REV3L: variants seen among roughly 807,000 people sequenced by gnomAD.
The protein encoded by REV3L is REV3 like, DNA directed polymerase zeta catalytic subunit.
Under a neutral mutation model 299.4 loss-of-function variants are expected in REV3L, and 69 were observed. The ratio of observed to expected loss-of-function variants is 0.23; its 90% CI spans 0.19 to 0.28. The LOEUF is 0.28. Ranked by LOEUF, REV3L falls within the 10% of genes least tolerant of loss-of-function variation. The pLI, the probability that REV3L is intolerant of heterozygous loss-of-function variation, is 1.00. For missense variants in REV3L, 3,128 were observed against 3,693.8 expected (o/e 0.85, Z 3.97); for synonymous variants, 1,238 against 1,271.4 (o/e 0.97, Z 0.56).
In REV3L at chr6:111,376,621, C is replaced by G; in HGVS notation, c.1734G>C (p.Gln578His). ...AAGAAAGGGCACTTGTGTGTTTACACTGAAAGGTAATCTTAGCAGAAGATG... is the reference window on the plus strand; with the variant it reads ...AAGAAAGGGCACTTGTGTGTTTACAGTGAAAGGTAATCTTAGCAGAAGATG... ...EPSSSAKITF[Q>H]CKHTSALSSH... The change falls in exon 13 of 32, where the codon CAG becomes CAC. Residue 578 changes from glutamine to histidine, a missense_variant. By Grantham distance (24) the Gln-to-His change is conservative. Around this residue, in one of 9 missense-constraint regions of REV3L, gnomAD observed 2,409 missense variants for 2,611.8 expected, o/e 0.92. Coordinates refer to ENST00000368802, the MANE Select transcript of REV3L (RefSeq NM_001372078.1). 6.2e-7 allele frequency: 1 copy of G among 1,613,238 alleles called. No homozygotes were observed. Among genetic ancestry groups the G allele is most frequent in the Non-Finnish European group, 8.5e-7 (1 of 1,179,872 alleles).
chr6:111,383,033 C>T (rs755878228), intron 9 of REV3L, among the ~76,000 whole-genome samples: 1 of 152,192 alleles, frequency 6.6e-6, no homozygotes, highest in Non-Finnish European at 1.5e-5. Context: ...AGGACTCAGA[C>T]CTGGCAGGGT....
At chr6:111,476,919 A>C (rs1209043451) in intron 1 of REV3L, among the ~76,000 whole-genome samples, 1 of 152,130 alleles carries the variant, frequency 6.6e-6, no homozygotes. Flanking sequence ...TTTTTCCTTA[A>C]TTTTGTACAT....
chr6:111,357,038 T>C lies in REV3L; in HGVS notation c.7160A>G (p.His2387Arg). The C allele has an allele frequency of 6.3e-7, 1 of 1,598,254 alleles. No individual in the cohort carries two copies. The highest frequency in any genetic ancestry group is 1.1e-5 in the South Asian group (1 of 88,498). Residue 2387 changes from histidine (H) to arginine (R), a missense_variant, in exon 18 of 32, where the codon CAT becomes CGT. Coordinates refer to ENST00000368802, the MANE Select transcript of REV3L (RefSeq NM_001372078.1). ...TYAADEKALFHEIANIIKRYD... is the reference protein window; with the variant it reads ...TYAADEKALFREIANIIKRYD... ...CCTCTTTATTATATTTGCAATTTCA[T>C]GAAAAAGTGCCTTCTCATCAGCAGC... is the stretch of plus-strand genomic sequence containing the variant.
chr6:111,368,152 C>T, intron 13 of REV3L, 124 bp from the exon 14 acceptor site: 1 of 760,714 alleles, frequency 1.3e-6, no homozygotes, highest in Non-Finnish European at 2.1e-6. Context: ...TCTTCCCTGC[C>T]CCCTCTATAT....
At chr6:111,439,249 T>C (rs979541005) in intron 1 of REV3L, among the ~76,000 whole-genome samples, 7 of 152,212 alleles carry the variant, frequency 4.6e-5, no homozygotes, top group African/African-American at 1.4e-4. Context: ...TGAGCGATTT[T>C]CTTATTTGAG....
At chr6:111,472,201 GT>G in intron 1 of REV3L, 2 of 1,054,186 alleles carry the variant, frequency 1.9e-6, no homozygotes, top group Non-Finnish European at 2.5e-6. Flanking sequence ...ATGCCAACAT[GT>G]TTTAACTTTA....
At chr6:111,399,592 T>G (rs1782878820) in intron 4 of REV3L, among the ~76,000 whole-genome samples, 3 of 152,186 alleles carry the variant, frequency 2.0e-5, no homozygotes, top group African/African-American at 7.2e-5. Flanking sequence ...TTTCATGACC[T>G]TTGCAGTCAT....
chr6:111,399,683 G>A (rs191943017), intron 4 of REV3L, among the ~76,000 whole-genome samples: 56 of 152,004 alleles, frequency 3.7e-4, no homozygotes, highest in Admixed American at 6.6e-5. Flanking sequence ...CTGGGGTTAC[G>A]AGTTTTTGGC....
chr6:111,473,405 A>G (rs183538062), intron 1 of REV3L, among the ~76,000 whole-genome samples: 16 of 152,138 alleles, frequency 1.1e-4, no homozygotes. Context: ...ATGAGAGAAA[A>G]TGTAATTATA....
Position 111,416,426 on chromosome 6 carries a change from A to G in REV3L, c.186T>C (p.Tyr62=), listed in dbSNP as rs769060507. 17 of 1,613,720 alleles carry G rather than the reference A, an allele frequency of 1.1e-5. No homozygotes were observed. The South Asian group carries it at 1.2e-4, about 11-fold the overall frequency. Residue 62 remains tyrosine, a synonymous_variant, in exon 2 of 32, where the codon TAT becomes TAC. Coordinates refer to ENST00000368802, the MANE Select transcript of REV3L (RefSeq NM_001372078.1). ...GCTGTCCATAACCATCGTATGGCAC[A>G]TAGAGGTAAGGAAAGATGCCATGTA... ...LHLHGIFPYL[Y]VPYDGYGQQP...
intron 3 of REV3L, among the ~76,000 whole-genome samples, chr6:111,409,244 C>T (rs1222864852): frequency 6.6e-6 from 1 of 152,020 alleles, no homozygotes; most frequent in Non-Finnish European, 1.5e-5. Context: ...AATTTAATAG[C>T]CTTTCATGTT....
At chr6:111,309,499 G>A (rs17540221) in intron 30 of REV3L, 160 of 163,068 alleles carry the variant, frequency 9.8e-4, no homozygotes, top group Non-Finnish European at 8.7e-4. Flanking sequence ...GTCTTCCACC[G>A]AAGTGTTCCT....
At chr6:111,332,266 T>G (rs959474554) in intron 23 of REV3L, among the ~76,000 whole-genome samples, 9 of 152,028 alleles carry the variant, frequency 5.9e-5, no homozygotes, top group African/African-American at 1.9e-4. Context: ...AGAGACAGGG[T>G]TTCCTCATGT....
chr6:111,304,606 G>A (rs920507195), intron 31 of REV3L, among the ~76,000 whole-genome samples: 3 of 148,740 alleles, frequency 2.0e-5, no homozygotes, highest in Non-Finnish European at 4.4e-5. Flanking sequence ...AAATAGCATC[G>A]CTTTTTCTTT....
At chr6:111,360,305 GA>G (rs1432321049) in intron 16 of REV3L, among the ~76,000 whole-genome samples, 1 of 152,066 alleles carries the variant, frequency 6.6e-6, no homozygotes, top group Non-Finnish European at 1.5e-5. Context: ...GAAAATTTCT[GA>G]AAAGTGACAT....
In REV3L at chr6:111,411,530, C is replaced by T; in HGVS notation, c.354G>A (p.Lys118=). ...GATAGATCTTCATAAAGTGTCTTTC[C>T]TTCTCATGATAACCATAAAAAGGCC... The part of the protein sequence containing the change: ...SGMPFYGYHE[K]ERHFMKIYLY... The change falls in exon 3 of 32, where the codon AAG becomes AAA. Residue 118 remains lysine (K), a synonymous_variant. Coordinates refer to ENST00000368802, the MANE Select transcript of REV3L (RefSeq NM_001372078.1). The T allele has an allele frequency of 6.3e-7, 1 of 1,585,778 alleles. No homozygotes were observed. Among genetic ancestry groups the T allele is most frequent in the Non-Finnish European group, 8.6e-7 (1 of 1,161,850 alleles).
chr6:111,429,738 G>A (rs1157781826), intron 1 of REV3L, among the ~76,000 whole-genome samples: 1 of 152,134 alleles, frequency 6.6e-6, no homozygotes, highest in Non-Finnish European at 1.5e-5. Flanking sequence ...TCCCGCCCTC[G>A]GCTCGCCTGG....
At chr6:111,351,051 A>C (rs1777523658) in intron 19 of REV3L, among the ~76,000 whole-genome samples, 1 of 152,184 alleles carries the variant, frequency 6.6e-6, no homozygotes, top group Non-Finnish European at 1.5e-5. Flanking sequence ...CATAGTTTTA[A>C]AAAGTGCATT....
chr6:111,373,083 T>C lies in REV3L; in HGVS notation c.5272A>G (p.Ile1758Val), dbSNP rs369376161. The change falls in exon 13 of 32, where the codon ATA becomes GTA. Residue 1758 changes from isoleucine to valine, a missense_variant. Around this residue, in one of 9 missense-constraint regions of REV3L, gnomAD observed 2,409 missense variants for 2,611.8 expected, o/e 0.92. Coordinates refer to ENST00000368802, the MANE Select transcript of REV3L (RefSeq NM_001372078.1). ...FHPLTTRSNS[I>V]MDSFCVQQAE... ...TGCTGAACACAGAAAGAATCCATTA[T>C]TGAGTTAGACCGAGTTGTTAGAGGA... 3 of 1,614,044 alleles carry C rather than the reference T, an allele frequency of 1.9e-6. No individual in the cohort carries two copies. Among genetic ancestry groups the C allele is most frequent in the African/African-American group, 1.3e-5 (1 of 74,928 alleles).
Sources: allele counts gnomAD v4.1 joint callset (sites outside exome capture counted in the v4.1 genomes callset), GRCh38; gene constraint gnomAD v4.1.1; regional missense constraint gnomAD v4.1.1; transcripts MANE v1.5; gene names NCBI Gene and HGNC (gene_info 2026-07-23, HGNC 2026-07-21).